PTPRG: variants seen among roughly 807,000 people sequenced by gnomAD.
PTPRG encodes the protein protein tyrosine phosphatase receptor type G, also known as receptor-type tyrosine-protein phosphatase gamma.
Under a neutral mutation model 165.3 loss-of-function variants are expected in PTPRG, and 102 were observed. The ratio of observed to expected loss-of-function variants is 0.62; its 90% confidence interval spans 0.53 to 0.73. PTPRG has a LOEUF of 0.73. Among genes scored for constraint, PTPRG ranks in the 30% least tolerant of loss-of-function variants. The pLI is 0.00. For missense variants in PTPRG, 1,866 were observed against 1,861.4 expected (o/e 1.00, Z -0.05); for synonymous variants, 675 against 669.5 (o/e 1.01, Z -0.13).
At chr3:61,859,917 T>A (rs1003717989) in intron 2 of PTPRG, among the ~76,000 whole-genome samples, 1 of 152,224 alleles carries the variant, frequency 6.6e-6, no homozygotes, top group Non-Finnish European at 1.5e-5. Context: ...CCATGGCACA[T>A]AGATGCTCAG....
intron 5 of PTPRG, among the ~76,000 whole-genome samples, chr3:62,091,611 C>T (rs1575991778): frequency 6.6e-6 from 1 of 152,210 alleles, no homozygotes; most frequent in Middle Eastern, 3.4e-3. Context: ...AACGGGGATC[C>T]TTTATGTGGC....
At chr3:61,972,048 G>C (rs373930089) in intron 2 of PTPRG, among the ~76,000 whole-genome samples, 17 of 152,344 alleles carry the variant, frequency 1.1e-4, no homozygotes, top group African/African-American at 4.1e-4. Context: ...AATGTGTACT[G>C]TATATTAGAA....
chr3:61,571,795 A>G (rs962654757), intron 1 of PTPRG, among the ~76,000 whole-genome samples: 2 of 152,220 alleles, frequency 1.3e-5, no homozygotes, highest in Admixed American at 1.3e-4. Context: ...GCTCTGAATC[A>G]TAACTTCAGG....
intron 2 of PTPRG, among the ~76,000 whole-genome samples, chr3:61,903,310 G>T (rs1047859357): frequency 6.6e-6 from 1 of 152,162 alleles, no homozygotes; most frequent in African/African-American, 2.4e-5. Context: ...CTTTACATCT[G>T]CTCCTCTGAG....
At chr3:61,619,817 T>C (rs1282573380) in intron 1 of PTPRG, among the ~76,000 whole-genome samples, 1 of 152,202 alleles carries the variant, frequency 6.6e-6, no homozygotes. Flanking sequence ...TGGATTTGTT[T>C]ATGGGCTTTG....
intron 4 of PTPRG, among the ~76,000 whole-genome samples, chr3:62,029,522 G>T (rs1559755664): frequency 6.6e-6 from 1 of 152,214 alleles, no homozygotes; most frequent in Non-Finnish European, 1.5e-5. Flanking sequence ...CTGAAAGGAT[G>T]CTTGGGTTAT....
chr3:61,828,553 A>T (rs943858811), intron 2 of PTPRG, among the ~76,000 whole-genome samples: 1 of 152,248 alleles, frequency 6.6e-6, no homozygotes, highest in Non-Finnish European at 1.5e-5. Context: ...AAGTGAATGC[A>T]TGGACTTGTA....
At chr3:61,573,924 G>A (rs1211312945) in intron 1 of PTPRG, among the ~76,000 whole-genome samples, 1 of 152,064 alleles carries the variant, frequency 6.6e-6, no homozygotes, top group Non-Finnish European at 1.5e-5. Context: ...ACCTTCTGTT[G>A]GCTGCTAAGG....
chr3:62,177,476 T>G (rs1224704839), intron 8 of PTPRG, among the ~76,000 whole-genome samples: 1 of 152,210 alleles, frequency 6.6e-6, no homozygotes, highest in Non-Finnish European at 1.5e-5. Context: ...TGTGACATGA[T>G]CATTGGAGAA....
At chr3:61,941,154 A>G (rs1325530930) in intron 2 of PTPRG, among the ~76,000 whole-genome samples, 1 of 151,558 alleles carries the variant, frequency 6.6e-6, no homozygotes, top group Non-Finnish European at 1.5e-5. Context: ...GGTGATAATC[A>G]TTCATGAGTG....
intron 16 of PTPRG, among the ~76,000 whole-genome samples, chr3:62,257,786 C>T (rs144448459): frequency 1.3e-5 from 2 of 152,208 alleles, no homozygotes; most frequent in East Asian, 3.9e-4. Context: ...AAGACTCTGT[C>T]TCTACAAAAA....
At chr3:61,589,459 C>A (rs1009554322) in intron 1 of PTPRG, among the ~76,000 whole-genome samples, 1 of 152,218 alleles carries the variant, frequency 6.6e-6, no homozygotes, top group Non-Finnish European at 1.5e-5. Flanking sequence ...TTCTAAGATA[C>A]TGTCTCTGCC....
intron 2 of PTPRG, among the ~76,000 whole-genome samples, chr3:61,882,417 G>T (rs151228780): frequency 1.3e-5 from 2 of 152,172 alleles, no homozygotes; most frequent in Non-Finnish European, 2.9e-5. Flanking sequence ...TTAGGTGAAA[G>T]CATTTACTAT....
intron 2 of PTPRG, among the ~76,000 whole-genome samples, chr3:61,981,862 G>A (rs1359915622): frequency 1.3e-5 from 2 of 152,206 alleles, no homozygotes; most frequent in Non-Finnish European, 2.9e-5. Context: ...AAACTGGAAT[G>A]GAAAGAGCAA....
chr3:61,984,183 T>C (rs569956615), intron 2 of PTPRG, among the ~76,000 whole-genome samples: 1 of 152,274 alleles, frequency 6.6e-6, no homozygotes, highest in South Asian at 2.1e-4. Context: ...ATGAGAAAAA[T>C]ACAGTGACTT....
intron 1 of PTPRG, 58 bp from the exon 2 acceptor site, chr3:61,748,820 C>A (rs180784238): frequency 2.1e-6 from 3 of 1,415,176 alleles, no homozygotes; most frequent in South Asian, 1.2e-5. Flanking sequence ...ATTTGACACC[C>A]TTCCTGTATC....
At chr3:61,962,022 A>T (rs2040163945) in intron 2 of PTPRG, among the ~76,000 whole-genome samples, 1 of 152,126 alleles carries the variant, frequency 6.6e-6, no homozygotes, top group South Asian at 2.1e-4. Context: ...CCCTGGTGCC[A>T]TGAAGTATTT....
At chr3:61,983,641 A>C (rs1308839381) in intron 2 of PTPRG, among the ~76,000 whole-genome samples, 1 of 152,164 alleles carries the variant, frequency 6.6e-6, no homozygotes, top group East Asian at 1.9e-4. Flanking sequence ...TATTTAAAGA[A>C]ACCACTGTTT....
intron 2 of PTPRG, among the ~76,000 whole-genome samples, chr3:61,964,870 C>T (rs58281765): frequency 0.087 from 13,280 of 151,912 alleles, 725 homozygotes; most frequent in Non-Finnish European, 0.11. Flanking sequence ...TAGAAGGAAA[C>T]GCAGTCTAGA....
Sources: gnomAD v4.1 joint callset for allele counts (sites outside exome capture counted in the v4.1 genomes callset) on GRCh38, gnomAD v4.1.1 for gene constraint, MANE v1.5 for transcripts, NCBI Gene and HGNC (gene_info 2026-07-23, HGNC 2026-07-21) for gene names.